Variants in PARP8 observed in about 807,000 individuals in gnomAD.
PARP8 encodes the protein poly(ADP-ribose) polymerase family member 8, also known as protein mono-ADP-ribosyltransferase PARP8.
PARP8 carries 51 observed loss-of-function variants against 124.1 expected under a neutral mutation model. That is an observed-to-expected ratio of 0.41 (90% CI 0.33 to 0.52). PARP8 has a LOEUF of 0.52. PARP8 is among the 20% of genes least tolerant of loss of function. The probability of loss-of-function intolerance (pLI) is 0.21; values close to 1 mark genes in which losing one functional copy is unlikely to be tolerated. For synonymous variants in PARP8, 391 were observed against 361.5 expected (o/e 1.08, Z -0.93); for missense variants, 860 against 1,018.9 (o/e 0.84, Z 2.12).
chr5:50,707,843 G>T (rs10471956), intron 2 of PARP8, among the ~76,000 whole-genome samples: 137,416 of 152,084 alleles, frequency 0.9, 62,140 homozygotes, highest in East Asian at 1. Flanking sequence ...AACAATATGC[G>T]TGAGTTGCAC....
Position 50,844,726 on chromosome 5 carries a change from A to G in PARP8, c.*2658A>G, listed in dbSNP as rs1408377959. The stretch of plus-strand genomic sequence containing the variant: ...TTCATCCTTGAAGTAGGGGAAGAAA[A>G]TTATTAATTTATTAGTTCTACTTTT... On this transcript the variant is annotated 3_prime_UTR_variant, in exon 26 of 26. Transcript: ENST00000281631. 6.6e-6 allele frequency: 1 copy of G among 151,786 alleles called. No individual in the cohort carries two copies. Among genetic ancestry groups the G allele is most frequent in the East Asian group, 1.9e-4 (1 of 5,172 alleles). The allele number at this position is 151,786 out of a possible 1,614,324, so 9.4% of individuals were successfully genotyped here. A position where few individuals can be genotyped will look rare whatever the true frequency, so the allele number is the denominator to read the frequency against.
chr5:50,751,846 G>T (rs1486533006), intron 3 of PARP8, among the ~76,000 whole-genome samples: 1 of 152,096 alleles, frequency 6.6e-6, no homozygotes, highest in Non-Finnish European at 1.5e-5. Context: ...AAATTAATAT[G>T]ATAATGTTTT....
intron 14 of PARP8, among the ~76,000 whole-genome samples, chr5:50,811,634 C>T (rs1349657035): frequency 6.6e-6 from 1 of 151,706 alleles, no homozygotes; most frequent in East Asian, 1.9e-4. Flanking sequence ...TACATGTGCA[C>T]GAAGTGCAGG....
intron 7 of PARP8, among the ~76,000 whole-genome samples, chr5:50,763,633 TA>T (rs201812514): frequency 2.0e-3 from 288 of 142,732 alleles, no homozygotes; most frequent in Middle Eastern, 3.7e-3. Context: ...ATCTGGTCCC[TA>T]AAAAAAAAAA....
intron 10 of PARP8, among the ~76,000 whole-genome samples, chr5:50,790,107 A>C (rs1267426113): frequency 6.6e-6 from 1 of 152,198 alleles, no homozygotes; most frequent in Non-Finnish European, 1.5e-5. Context: ...GAAAGGAAAA[A>C]ACATTCTTAT....
chr5:50,757,582 A>G (rs1379642822), intron 3 of PARP8, among the ~76,000 whole-genome samples: 4 of 152,174 alleles, frequency 2.6e-5, no homozygotes, highest in African/African-American at 7.2e-5. Flanking sequence ...CTAAACACTA[A>G]TCAAAATACA....
intron 2 of PARP8, among the ~76,000 whole-genome samples, chr5:50,681,818 T>C (rs901821928): frequency 1.3e-5 from 2 of 152,146 alleles, no homozygotes; most frequent in Non-Finnish European, 2.9e-5. Context: ...CTTCAAGCCC[T>C]CATCTCTACT....
intron 9 of PARP8, among the ~76,000 whole-genome samples, chr5:50,782,616 C>T (rs1368981301): frequency 6.6e-6 from 1 of 152,170 alleles, no homozygotes; most frequent in Non-Finnish European, 1.5e-5. Flanking sequence ...CATAATGCCT[C>T]TGCCTGTCAC....
chr5:50,816,295 C>A (rs771060277), intron 15 of PARP8, among the ~76,000 whole-genome samples: 14 of 152,096 alleles, frequency 9.2e-5, no homozygotes, highest in Non-Finnish European at 2.1e-4. Flanking sequence ...AAACAAATGG[C>A]CTGTAACGGG....
chr5:50,695,333 C>T (rs1752912087), intron 2 of PARP8, among the ~76,000 whole-genome samples: 1 of 152,138 alleles, frequency 6.6e-6, no homozygotes, highest in South Asian at 2.1e-4. Flanking sequence ...ATGTAGCACA[C>T]CCAATGCTTA....
chr5:50,766,880 A>C (rs1761105638), intron 7 of PARP8, among the ~76,000 whole-genome samples: 1 of 152,190 alleles, frequency 6.6e-6, no homozygotes, highest in Admixed American at 6.5e-5. Flanking sequence ...AAATGAAAGG[A>C]AAGAAAAAAA....
At chr5:50,773,178 G>C (rs1761801954) in intron 7 of PARP8, among the ~76,000 whole-genome samples, 1 of 152,072 alleles carries the variant, frequency 6.6e-6, no homozygotes, top group Admixed American at 6.5e-5. Flanking sequence ...TTTTTAGTTT[G>C]ATGTAATCCC....
Position 50,845,388 on chromosome 5 carries a change from CTAAA to C in PARP8, c.*3327_*3330del, listed in dbSNP as rs749751052. The C allele has an allele frequency of 5.3e-5, 8 of 151,622 alleles. No individual in the cohort carries two copies. Among genetic ancestry groups the C allele is most frequent in the Non-Finnish European group, 8.9e-5 (6 of 67,762 alleles). The allele number at this position is 151,622 out of a possible 1,614,324, so 9.4% of individuals were successfully genotyped here. A position where few individuals can be genotyped will look rare whatever the true frequency, so the allele number is the denominator to read the frequency against. On this transcript the variant is annotated 3_prime_UTR_variant, in exon 26 of 26. Transcript: ENST00000281631. ...CACTCAACATTGGGTCATCTACCGT[CTAAA>C]TAAATACGGATTTCATGGTGGCATT...
rs747322875 is a variant in PARP8 at position 50,796,943 on chromosome 5, TA to T, written c.1429-32del. ...CCTGTAATTTATACATTTTTACATT[TA>T]AAAAAATTATCATTTTTTTTTACTT... On this transcript the variant is annotated intron_variant, in intron 12 of 25. Coordinates refer to ENST00000281631, the MANE Select transcript of PARP8 (RefSeq NM_024615.4). The T allele has an allele frequency of 2.5e-5, 38 of 1,544,032 alleles. 1 individual carries two copies. The East Asian group carries it at 7.2e-4, about 29-fold the overall frequency.
intron 3 of PARP8, among the ~76,000 whole-genome samples, chr5:50,752,626 T>C (rs1173104775): frequency 6.6e-6 from 1 of 152,088 alleles, no homozygotes; most frequent in Non-Finnish European, 1.5e-5. Context: ...CCAAATAGTT[T>C]AGCCATTTAA....
chr5:50,735,967 C>T (rs1451089087), intron 2 of PARP8, among the ~76,000 whole-genome samples: 4 of 146,624 alleles, frequency 2.7e-5, no homozygotes, highest in Admixed American at 2.7e-4. Context: ...CCCCCCCCCC[C>T]TTTTATTAGT....
Position 50,822,347 on chromosome 5 carries a change from G to A in PARP8, c.1807G>A (p.Asp603Asn). ...TTTCATTAAACAGAAAAAGAACTAT[G>A]ATCGAGTAATGAAAGCACTGGATAG... ...LAFNPRKKNY[D>N]RVMKALDSIT... The change falls in exon 17 of 26, where the codon GAT becomes AAT. Residue 603 changes from aspartate (D) to asparagine (N), a missense_variant. Asp to Asn is a conservative substitution (Grantham distance 23, BLOSUM62 1). This residue lies in a region of PARP8 where 343 missense variants were observed against 474.7 expected (regional missense o/e 0.72). Transcript: ENST00000281631. The A allele has an allele frequency of 6.2e-7, 1 of 1,610,340 alleles. No homozygotes were observed. The highest frequency in any genetic ancestry group is 8.5e-7 in the Non-Finnish European group (1 of 1,177,280).
At chr5:50,773,834 T>A (rs1398493127) in intron 7 of PARP8, among the ~76,000 whole-genome samples, 7 of 107,860 alleles carry the variant, frequency 6.5e-5, no homozygotes, top group African/African-American at 2.5e-4. Flanking sequence ...TTTCATTAAT[T>A]TTTTTTTTTT....
intron 2 of PARP8, among the ~76,000 whole-genome samples, chr5:50,692,391 C>A (rs1190516151): frequency 6.6e-6 from 1 of 152,148 alleles, no homozygotes; most frequent in African/African-American, 2.4e-5. Flanking sequence ...CCTCTAGGAG[C>A]TATCATAGCC....
Sources: allele counts gnomAD v4.1 joint callset (sites outside exome capture counted in the v4.1 genomes callset), GRCh38; gene constraint gnomAD v4.1.1; regional missense constraint gnomAD v4.1.1; transcripts MANE v1.5; gene names NCBI Gene and HGNC (gene_info 2026-07-23, HGNC 2026-07-21).